Variants in KLHL29 observed in about 807,000 individuals in gnomAD.
KLHL29 encodes the protein kelch-like protein 29.
In KLHL29, 21 loss-of-function variants were observed where a neutral mutation model predicts 80.4. The ratio of observed to expected loss-of-function variants is 0.26; its 90% confidence interval spans 0.19 to 0.38. The LOEUF (loss-of-function observed/expected upper bound fraction) is 0.38, where lower values mean the gene tolerates loss of function less well. Among genes scored for constraint, KLHL29 ranks in the 10% least tolerant of loss-of-function variants. KLHL29 has a pLI of 1.00. For missense variants in KLHL29, 867 were observed against 1,223.9 expected (o/e 0.71, Z 4.35); for synonymous variants, 511 against 526.8 (o/e 0.97, Z 0.41).
At position 23,696,037 on chromosome 2, in the gene KLHL29, C is replaced by A; in HGVS notation, c.1828C>A (p.Pro610Thr). 1 of 1,551,774 alleles carries A rather than the reference C, an allele frequency of 6.4e-7. No individual in the cohort carries two copies. Among genetic ancestry groups the A allele is most frequent in the East Asian group, 2.4e-5 (1 of 40,922 alleles). ...GCTGGTGGCCGTCACCTGCTGGAAC[C>A]CGCAGAACAACAAGTGGTACCCCTT... ...RSLVAVTCWN[P>T]QNNKWYPLAS... Residue 610 changes from proline to threonine, a missense_variant, in exon 10 of 14, where the codon CCG (proline) becomes ACG (threonine). This residue lies in a region of KLHL29 where 443 missense variants were observed against 767.0 expected (regional missense o/e 0.58). Transcript: ENST00000486442. The surrounding 1 kb of genome is among the most constrained non-coding windows in gnomAD (Gnocchi z 5.5).
chr2:23,529,094 G>T (rs1343188008), intron 2 of KLHL29, among the ~76,000 whole-genome samples: 1 of 152,244 alleles, frequency 6.6e-6, no homozygotes, highest in Non-Finnish European at 1.5e-5. Flanking sequence ...TATAGTACTG[G>T]CTGAAAAGCC....
chr2:23,706,700 G>C lies in KLHL29; in HGVS notation c.*36G>C, dbSNP rs538738372. ...AAGCCCACGATAAGACTGTGGACAA[G>C]TCTGGTGAGGCAAGTGCCACGCAAT... On this transcript the variant is annotated 3_prime_UTR_variant, in exon 14 of 14. Transcript: ENST00000486442. 17 of 1,427,808 alleles carry C rather than the reference G, an allele frequency of 1.2e-5. No individual in the cohort carries two copies. In the South Asian group the frequency reaches 2.5e-4, roughly 21 times the overall value. 88.4% of individuals were successfully genotyped at this position (1,427,808 alleles called of 1,614,324 possible). A position where few individuals can be genotyped will look rare whatever the true frequency, so the allele number is the denominator to read the frequency against.
At chr2:23,660,637 C>T (rs1167127170) in intron 5 of KLHL29, among the ~76,000 whole-genome samples, 2 of 152,268 alleles carry the variant, frequency 1.3e-5, no homozygotes, top group African/African-American at 4.8e-5. Context: ...AGGCTCCAGC[C>T]TTCTGGGAGT....
At chr2:23,423,507 A>G (rs1662907742) in intron 1 of KLHL29, among the ~76,000 whole-genome samples, 1 of 152,226 alleles carries the variant, frequency 6.6e-6, no homozygotes, top group African/African-American at 2.4e-5. Context: ...TCAGATTCTC[A>G]AACGACTTAA....
At chr2:23,607,969 A>T (rs1668769872) in intron 3 of KLHL29, among the ~76,000 whole-genome samples, 1 of 145,446 alleles carries the variant, frequency 6.9e-6, no homozygotes, top group South Asian at 2.3e-4. Context: ...CCCCCAATTT[A>T]TATGTTTAGT....
chr2:23,558,696 G>A (rs758888738), intron 2 of KLHL29, among the ~76,000 whole-genome samples: 2 of 152,198 alleles, frequency 1.3e-5, no homozygotes, highest in African/African-American at 2.4e-5. Context: ...GAGCCCCCAC[G>A]CCCAGGCTAA....
chr2:23,415,960 T>C (rs756421249), intron 1 of KLHL29, among the ~76,000 whole-genome samples: 46 of 152,132 alleles, frequency 3.0e-4, no homozygotes, highest in Non-Finnish European at 5.6e-4. Context: ...GTGTAATCAA[T>C]AGCTGATAAG....
At position 23,696,191 on chromosome 2, in the gene KLHL29, C is replaced by T; in HGVS notation, c.1924+58C>T. 6.6e-7 allele frequency: 1 copy of T among 1,516,302 alleles called. No homozygotes were observed. The highest frequency in any genetic ancestry group is 8.9e-7 in the Non-Finnish European group (1 of 1,122,416). 93.9% of individuals were successfully genotyped at this position (1,516,302 alleles called of 1,614,324 possible). ...CATGGGGGTCCCAAGGGGACTGCTC[C>T]CCACGTCAGGGCTGAGGAAGGCCAT... On this transcript the variant is annotated intron_variant, in intron 10 of 13. Coordinates refer to ENST00000486442, the MANE Select transcript of KLHL29 (RefSeq NM_052920.2). This position sits in a 1 kb window ranked among gnomAD's most constrained non-coding sequence, Gnocchi z 5.5.
chr2:23,526,385 C>T (rs1217148135), intron 2 of KLHL29, among the ~76,000 whole-genome samples: 3 of 152,236 alleles, frequency 2.0e-5, no homozygotes, highest in Non-Finnish European at 2.9e-5. Context: ...GGCAGCGGGA[C>T]AGCCCATGCG....
In KLHL29 at chr2:23,707,930, T is replaced by G. The variant is rs1210691764; in HGVS notation, c.*1266T>G. 5 of 152,200 alleles carry G rather than the reference T, an allele frequency of 3.3e-5. No homozygotes were observed. Among genetic ancestry groups the G allele is most frequent in the African/African-American group, 1.2e-4 (5 of 41,418 alleles). The allele number at this position is 152,200 out of a possible 1,614,324, so 9.4% of individuals were successfully genotyped here. On this transcript the variant is annotated 3_prime_UTR_variant, in exon 14 of 14. Coordinates refer to ENST00000486442, the MANE Select transcript of KLHL29 (RefSeq NM_052920.2). The stretch of plus-strand genomic sequence containing the variant: ...ACCATGGCTCAAAAGGGAAAGGCCT[T>G]CCCACTTGTCCTTAGCCCCTCAAAC...
chr2:23,654,813 C>T (rs549349945), intron 5 of KLHL29, among the ~76,000 whole-genome samples: 1 of 151,888 alleles, frequency 6.6e-6, no homozygotes, highest in Non-Finnish European at 1.5e-5. Flanking sequence ...GATGGAAAAC[C>T]AAGGCCTGGC....
chr2:23,656,867 G>A (rs575325911), intron 5 of KLHL29, among the ~76,000 whole-genome samples: 1 of 147,206 alleles, frequency 6.8e-6, no homozygotes, highest in East Asian at 2.0e-4. Context: ...GGCCCTCCCC[G>A]CCTGCACGGT....
At chr2:23,502,113 G>A (rs75425772) in intron 2 of KLHL29, among the ~76,000 whole-genome samples, 4,352 of 152,216 alleles carry the variant, frequency 0.029, 167 homozygotes, top group African/African-American at 0.09. Flanking sequence ...GGCTCAGACC[G>A]GGAGGTTTTC....
intron 1 of KLHL29, among the ~76,000 whole-genome samples, chr2:23,471,087 C>T (rs1171030880): frequency 1.3e-5 from 2 of 152,142 alleles, no homozygotes; most frequent in African/African-American, 2.4e-5. Context: ...AGGGTGGGCT[C>T]GGGAGCCGGT....
chr2:23,511,695 G>C (rs918403080), intron 2 of KLHL29, among the ~76,000 whole-genome samples: 1 of 152,222 alleles, frequency 6.6e-6, no homozygotes, highest in African/African-American at 2.4e-5. Context: ...CCTGTTTGCT[G>C]TCTGGGGATG....
intron 4 of KLHL29, 101 bp downstream of exon 4, chr2:23,639,381 C>A: frequency 8.3e-7 from 1 of 1,203,072 alleles, no homozygotes; most frequent in Non-Finnish European, 1.2e-6. Context: ...GGTCTTGAAC[C>A]CAGGGCCTGC....
At position 23,684,094 on chromosome 2, in the gene KLHL29, C is replaced by T. The variant is rs1671170235; in HGVS notation, c.941-305C>T. 1.3e-5 allele frequency among the ~76,000 whole-genome samples: 2 copies of T among 152,230 alleles called. No individual in the cohort carries two copies. Among genetic ancestry groups the T allele is most frequent in the South Asian group, 4.1e-4 (2 of 4,822 alleles). On this transcript the variant is annotated intron_variant, in intron 5 of 13. Coordinates refer to ENST00000486442, the MANE Select transcript of KLHL29 (RefSeq NM_052920.2). The surrounding 1 kb of genome is among the most constrained non-coding windows in gnomAD (Gnocchi z 4.4). ...ATAATGTATTCTCTATGTTTCCAAT[C>T]GTCAGTATGGGAATCTCTCCCCCAA...
intron 3 of KLHL29, among the ~76,000 whole-genome samples, chr2:23,591,423 A>G (rs933996173): frequency 1.3e-5 from 2 of 151,912 alleles, no homozygotes; most frequent in Non-Finnish European, 2.9e-5. Context: ...CGTCCACAGC[A>G]CTTCAGACTC....
At chr2:23,672,644 C>G (rs1431460677) in intron 5 of KLHL29, 1 of 152,498 alleles carries the variant, frequency 6.6e-6, no homozygotes, top group African/African-American at 2.4e-5. Context: ...ACTGTGGGCA[C>G]CTATGTCCAC....
Sources: gnomAD v4.1 joint callset for allele counts (sites outside exome capture counted in the v4.1 genomes callset) on GRCh38, gnomAD v4.1.1 for gene constraint, gnomAD v4.1.1 regional missense constraint, Gnocchi (gnomAD v3.1) non-coding constraint, MANE v1.5 for transcripts, NCBI Gene and HGNC (gene_info 2026-07-23, HGNC 2026-07-21) for gene names.